Variants in KLHL6 observed in about 807,000 individuals in gnomAD.
KLHL6 encodes kelch-like protein 6.
In KLHL6, 41 loss-of-function variants were observed where a neutral mutation model predicts 58.6. The observed-to-expected ratio is 0.70, with a 90% CI of 0.55 to 0.91. KLHL6 has a LOEUF of 0.91. Ranked by LOEUF, KLHL6 falls within the 40% of genes least tolerant of loss-of-function variation. The probability of loss-of-function intolerance (pLI) is 0.00; values close to 1 mark genes in which losing one functional copy is unlikely to be tolerated. For missense variants in KLHL6, 714 were observed against 805.6 expected (o/e 0.89, Z 1.38); for synonymous variants, 338 against 322.7 (o/e 1.05, Z -0.51).
chr3:183,540,932 TCCA>T (rs1712531564), intron 1 of KLHL6, among the ~76,000 whole-genome samples: 1 of 152,162 alleles, frequency 6.6e-6, no homozygotes, highest in South Asian at 2.1e-4. Flanking sequence ...GCGCTCGCCG[TCCA>T]CCACCACATC....
intron 1 of KLHL6, among the ~76,000 whole-genome samples, chr3:183,540,380 C>G (rs906820361): frequency 6.6e-6 from 1 of 152,094 alleles, no homozygotes; most frequent in Non-Finnish European, 1.5e-5. Flanking sequence ...GCACAAGGAC[C>G]CAACTATACC....
rs745554134 is a variant in KLHL6, at chr3:183,508,431, C to T, written c.537G>A (p.Arg179=). Residue 179 remains arginine (R), a synonymous_variant, in exon 3 of 7, where the codon AGG becomes AGA. Transcript: ENST00000341319. ...TGTCCAGCGAGTGTGTGTCAGCCAG[C>T]CTCAGTATTCCAACGCAGTTTTCTG... is the stretch of plus-strand genomic sequence containing the variant. ...LNPENCVGIL[R]LADTHSLDSL... 2.5e-6 allele frequency: 4 copies of T among 1,614,042 alleles called. No homozygotes were observed. The highest frequency in any genetic ancestry group is 1.7e-5 in the Admixed American group (1 of 59,994).
intron 1 of KLHL6, among the ~76,000 whole-genome samples, chr3:183,530,224 T>C (rs544146559): frequency 1.2e-3 from 179 of 152,252 alleles, no homozygotes; most frequent in African/African-American, 4.2e-3. Context: ...AACTGAGTCA[T>C]GAGTGGAGGT....
At chr3:183,517,372 C>G (rs532318607) in intron 2 of KLHL6, among the ~76,000 whole-genome samples, 3 of 152,190 alleles carry the variant, frequency 2.0e-5, no homozygotes, top group African/African-American at 7.2e-5. Flanking sequence ...CCTCTCTTCC[C>G]CTCTCCCGGG....
chr3:183,501,576 T>C (rs543599980), intron 3 of KLHL6, among the ~76,000 whole-genome samples: 12 of 152,296 alleles, frequency 7.9e-5, no homozygotes, highest in African/African-American at 2.9e-4. Context: ...ATTGAGAGGC[T>C]GCTAGGAGGA....
chr3:183,516,591 C>T (rs1325021189), intron 2 of KLHL6, among the ~76,000 whole-genome samples: 1 of 152,234 alleles, frequency 6.6e-6, no homozygotes, highest in Non-Finnish European at 1.5e-5. Context: ...AAAGCACTGC[C>T]TGTTCCTCAT....
intron 2 of KLHL6, among the ~76,000 whole-genome samples, chr3:183,523,997 G>A (rs1286474719): frequency 6.6e-6 from 1 of 152,104 alleles, no homozygotes; most frequent in African/African-American, 2.4e-5. Context: ...CTGACATCAG[G>A]TGATGCACCC....
chr3:183,504,326 G>T (rs975934162), intron 3 of KLHL6, among the ~76,000 whole-genome samples: 3 of 152,166 alleles, frequency 2.0e-5, no homozygotes, highest in Non-Finnish European at 4.4e-5. Flanking sequence ...CCTTAGCATA[G>T]CTAAGTAACT....
At position 183,513,056 on chromosome 3, in the gene KLHL6, T is replaced by C. The variant is rs570958979; in HGVS notation, c.460-4548A>G. 1.2e-3 allele frequency among the ~76,000 whole-genome samples: 187 copies of C among 152,330 alleles called. 1 individual carries two copies. Among genetic ancestry groups the C allele is most frequent in the African/African-American group, 4.2e-3 (176 of 41,570 alleles). On this transcript the variant is annotated intron_variant, in intron 2 of 6. Coordinates refer to ENST00000341319, the MANE Select transcript of KLHL6 (RefSeq NM_130446.4). ...TGGTTATAGATAAAGTTATTAATTT[T>C]TTTAGAGTTTGTTGTATGACAACTT... is the stretch of plus-strand genomic sequence containing the variant.
intron 3 of KLHL6, among the ~76,000 whole-genome samples, chr3:183,502,052 G>T (rs535826001): frequency 3.0e-4 from 45 of 152,306 alleles, no homozygotes; most frequent in African/African-American, 1.1e-3. Context: ...CACTTTGGGA[G>T]GTCGAGGCAG....
At chr3:183,549,866 G>A (rs1345403837) in intron 1 of KLHL6, among the ~76,000 whole-genome samples, 1 of 152,052 alleles carries the variant, frequency 6.6e-6, no homozygotes, top group Non-Finnish European at 1.5e-5. Flanking sequence ...CTTGAGCCCA[G>A]GAGTTTGAAA....
intron 1 of KLHL6, among the ~76,000 whole-genome samples, chr3:183,528,496 T>A (rs1220903773): frequency 6.6e-6 from 1 of 152,202 alleles, no homozygotes; most frequent in African/African-American, 2.4e-5. Context: ...CTGAACCCAA[T>A]GTCCGTAGGT....
chr3:183,534,679 G>A (rs1197715513), intron 1 of KLHL6, among the ~76,000 whole-genome samples: 1 of 151,802 alleles, frequency 6.6e-6, no homozygotes, highest in Non-Finnish European at 1.5e-5. Flanking sequence ...AGGGATTACA[G>A]GCATGAGCCC....
chr3:183,503,294 G>A (rs1013979191), intron 3 of KLHL6, among the ~76,000 whole-genome samples: 1 of 152,214 alleles, frequency 6.6e-6, no homozygotes, highest in Non-Finnish European at 1.5e-5. Flanking sequence ...GTAATGTTTG[G>A]TATAGATCAG....
At chr3:183,519,339 A>C (rs1238839170) in intron 2 of KLHL6, among the ~76,000 whole-genome samples, 1 of 152,200 alleles carries the variant, frequency 6.6e-6, no homozygotes, top group Non-Finnish European at 1.5e-5. Context: ...GTGAGAAAGG[A>C]ATGAAAAATC....
At chr3:183,494,418 G>A in intron 4 of KLHL6, 137 bp from the exon 5 acceptor site, 1 of 675,256 alleles carries the variant, frequency 1.5e-6, no homozygotes, top group South Asian at 1.8e-5. Context: ...AAACCCAGCA[G>A]GTGTGTGATG....
chr3:183,530,172 G>A (rs1158564277), intron 1 of KLHL6, among the ~76,000 whole-genome samples: 1 of 152,178 alleles, frequency 6.6e-6, no homozygotes, highest in Non-Finnish European at 1.5e-5. Context: ...GAAGTGGGGC[G>A]CTGCTGTCAC....
In KLHL6 at chr3:183,492,318, A is replaced by G; in HGVS notation, c.1565-90T>C. On this transcript the variant is annotated intron_variant, in intron 6 of 6. Transcript: ENST00000341319. This position sits in a 1 kb window ranked among gnomAD's most constrained non-coding sequence, Gnocchi z 5.9. ...CTAAAATTCAACTTCTGATTAGGCC[A>G]AGTCTACCCTCTTGCCAAGAGAAAC... 1 of 1,360,262 alleles carries G rather than the reference A, an allele frequency of 7.4e-7. No individual in the cohort carries two copies. Among genetic ancestry groups the G allele is most frequent in the East Asian group, 2.5e-5 (1 of 39,842 alleles). The allele number at this position is 1,360,262 out of a possible 1,614,324, so 84.3% of individuals were successfully genotyped here. A position where few individuals can be genotyped will look rare whatever the true frequency, so the allele number is the denominator to read the frequency against.
intron 1 of KLHL6, among the ~76,000 whole-genome samples, chr3:183,537,771 C>T (rs78712286): frequency 0.036 from 5,498 of 152,210 alleles, 315 homozygotes; most frequent in African/African-American, 0.12. Flanking sequence ...AGGCTCTCCC[C>T]GACACTCCCC....
Sources: allele counts gnomAD v4.1 joint callset (sites outside exome capture counted in the v4.1 genomes callset), GRCh38; gene constraint gnomAD v4.1.1; non-coding constraint Gnocchi (gnomAD v3.1); transcripts MANE v1.5; gene names NCBI Gene and HGNC (gene_info 2026-07-23, HGNC 2026-07-21).